RNF11: variants seen among roughly 807,000 people sequenced by gnomAD.
RNF11 encodes ring finger protein 11.
Under a neutral mutation model 15.8 loss-of-function variants are expected in RNF11, and 4 were observed. The observed-to-expected ratio is 0.25, with a 90% CI of 0.12 to 0.58. RNF11 has a LOEUF of 0.58. Among genes scored for constraint, RNF11 ranks in the 20% least tolerant of loss-of-function variants. RNF11 has a pLI of 0.91. For missense variants in RNF11, 139 were observed against 194.4 expected, an observed-to-expected ratio of 0.71 and a Z score of 1.70; for synonymous variants, 68 against 72.3, an observed-to-expected ratio of 0.94 and a Z score of 0.30.
chr1:51,260,193 G>GT (rs1279978588), intron 1 of RNF11, among the ~76,000 whole-genome samples: 3 of 152,130 alleles, frequency 2.0e-5, no homozygotes, highest in Non-Finnish European at 4.4e-5. Context: ...CGTAAATGGT[G>GT]TTCAAACTTT....
chr1:51,252,248 T>A (rs1167540409), intron 1 of RNF11, among the ~76,000 whole-genome samples: 2 of 152,216 alleles, frequency 1.3e-5, no homozygotes, highest in Non-Finnish European at 2.9e-5. Context: ...ATCAAGTTTG[T>A]GTTATCCATA....
chr1:51,268,382 T>C (rs1050111548), intron 1 of RNF11, among the ~76,000 whole-genome samples: 1 of 152,216 alleles, frequency 6.6e-6, no homozygotes, highest in Non-Finnish European at 1.5e-5. Context: ...GGTTCCTTTG[T>C]TTTAACAAAA....
intron 1 of RNF11, among the ~76,000 whole-genome samples, chr1:51,253,057 C>A (rs866564204): frequency 2.0e-5 from 3 of 151,900 alleles, no homozygotes; most frequent in South Asian, 2.1e-4. Flanking sequence ...AAACTCCTGA[C>A]CTCGTGATCC....
chr1:51,269,987 C>T lies in RNF11; in HGVS notation c.155C>T (p.Thr52Ile). Residue 52 changes from threonine to isoleucine, a missense_variant, in exon 2 of 3, where the codon ACA (threonine) becomes ATA (isoleucine). By Grantham distance (89) the Thr-to-Ile change is moderately conservative (BLOSUM62 -1). Coordinates refer to ENST00000242719, the MANE Select transcript of RNF11 (RefSeq NM_014372.5). ...EQVPVPVYHPTPSQTRLATQL... is the reference protein window; with the variant it reads ...EQVPVPVYHPIPSQTRLATQL... ...GTTCCAGTTCCAGTCTACCACCCAA[C>T]ACCTAGCCAGACTCGGCTAGCAACT... is the stretch of plus-strand genomic sequence containing the variant. The T allele has an allele frequency of 6.2e-7, 1 of 1,613,426 alleles. No individual in the cohort carries two copies. Among genetic ancestry groups the T allele is most frequent in the Non-Finnish European group, 8.5e-7 (1 of 1,179,752 alleles).
At chr1:51,268,729 A>G (rs1442263335) in intron 1 of RNF11, among the ~76,000 whole-genome samples, 1 of 152,216 alleles carries the variant, frequency 6.6e-6, no homozygotes, top group Non-Finnish European at 1.5e-5. Context: ...GACTGAGGCT[A>G]AGATTCAGGA....
intron 1 of RNF11, among the ~76,000 whole-genome samples, chr1:51,250,353 TAA>T (rs1378432271): frequency 6.6e-6 from 1 of 152,228 alleles, no homozygotes; most frequent in Non-Finnish European, 1.5e-5. Context: ...TACATTATGC[TAA>T]GCTGTAGTCA....
chr1:51,236,701 G>C lies in RNF11; in HGVS notation c.-56G>C. The C allele has an allele frequency of 6.2e-7, 1 of 1,602,260 alleles. No individual in the cohort carries two copies. The highest frequency in any genetic ancestry group is 2.3e-5 in the East Asian group (1 of 44,102). On this transcript the variant is annotated 5_prime_UTR_variant, in exon 1 of 3. Transcript: ENST00000242719. ...AACCGAGGCGGACCGCGGAGTGTGC[G>C]AACGACCCCACCGCTGCTTTCTCCT...
chr1:51,264,745 A>G (rs1247392740), intron 1 of RNF11, among the ~76,000 whole-genome samples: 2 of 152,130 alleles, frequency 1.3e-5, no homozygotes, highest in South Asian at 2.1e-4. Flanking sequence ...GCCTCAGCAC[A>G]TTATTTAGGC....
At position 51,249,065 on chromosome 1, in the gene RNF11, G is replaced by A. The variant is rs1646865612; in HGVS notation, c.123+12186G>A. Among the ~76,000 whole-genome samples, 3 of 152,280 alleles carry A rather than the reference G, an allele frequency of 2.0e-5. No individual in the cohort carries two copies. In the South Asian group the frequency reaches 6.2e-4, roughly 32 times the overall value. On this transcript the variant is annotated intron_variant, in intron 1 of 2. Coordinates refer to ENST00000242719, the MANE Select transcript of RNF11 (RefSeq NM_014372.5). Reference sequence around the variant, plus strand: ...ATATGCCATTTTATATAAGGGACTTGGGCATCTGAGGATTTTGGTGTTCAA... The same window carrying A: ...ATATGCCATTTTATATAAGGGACTTAGGCATCTGAGGATTTTGGTGTTCAA...
chr1:51,248,552 G>A (rs1460511973), intron 1 of RNF11, among the ~76,000 whole-genome samples: 1 of 152,176 alleles, frequency 6.6e-6, no homozygotes, highest in Non-Finnish European at 1.5e-5. Context: ...AACGGGGAAA[G>A]GAGAAATGAT....
At chr1:51,247,900 A>G (rs1646859396) in intron 1 of RNF11, among the ~76,000 whole-genome samples, 1 of 152,164 alleles carries the variant, frequency 6.6e-6, no homozygotes, top group Non-Finnish European at 1.5e-5. Context: ...AAACTCTTAA[A>G]ATTTTCTGAA....
chr1:51,258,909 G>A (rs1304196243), intron 1 of RNF11, among the ~76,000 whole-genome samples: 1 of 152,136 alleles, frequency 6.6e-6, no homozygotes, highest in Non-Finnish European at 1.5e-5. Context: ...TATGTCCACT[G>A]GGCCTTTGTA....
intron 1 of RNF11, among the ~76,000 whole-genome samples, chr1:51,253,624 C>G (rs189470837): frequency 7.5e-4 from 114 of 152,020 alleles, no homozygotes; most frequent in Non-Finnish European, 7.6e-4. Context: ...AAAATGATCT[C>G]CATGTTCTCT....
At chr1:51,262,361 C>T (rs898875076) in intron 1 of RNF11, among the ~76,000 whole-genome samples, 1 of 152,204 alleles carries the variant, frequency 6.6e-6, no homozygotes, top group Admixed American at 6.5e-5. Context: ...AGAGCTAAAA[C>T]TTTATAAACC....
chr1:51,241,855 A>G (rs929583552), intron 1 of RNF11, among the ~76,000 whole-genome samples: 1 of 152,192 alleles, frequency 6.6e-6, no homozygotes, highest in African/African-American at 2.4e-5. Context: ...CCAGCCCTGA[A>G]AGGCATATGT....
Position 51,236,549 on chromosome 1 carries a change from C to A in RNF11, c.-208C>A, listed in dbSNP as rs542282843. ...CAGGAGGCGAACGCCGCGACCCCAG[C>A]GGAGCCCGCGGCCCAGCCTTGATCC... On this transcript the variant is annotated 5_prime_UTR_variant, in exon 1 of 3. Transcript: ENST00000242719. 1 of 278,528 alleles carries A rather than the reference C, an allele frequency of 3.6e-6. No homozygotes were observed. The highest frequency in any genetic ancestry group is 2.4e-5 in the African/African-American group (1 of 41,700). 17.3% of individuals were successfully genotyped at this position (278,528 alleles called of 1,614,324 possible). A position where few individuals can be genotyped will look rare whatever the true frequency, so the allele number is the denominator to read the frequency against.
chr1:51,242,568 T>G (rs1646835026), intron 1 of RNF11, among the ~76,000 whole-genome samples: 1 of 152,204 alleles, frequency 6.6e-6, no homozygotes, highest in South Asian at 2.1e-4. Flanking sequence ...ACCCCCTTCC[T>G]TATAAAAAAT....
intron 1 of RNF11, among the ~76,000 whole-genome samples, chr1:51,262,673 A>G (rs1646935920): frequency 6.7e-6 from 1 of 150,238 alleles, no homozygotes; most frequent in African/African-American, 2.5e-5. Flanking sequence ...CAGCCTCCCA[A>G]GTAGTTGGGA....
chr1:51,260,953 A>G (rs1646928079), intron 1 of RNF11, among the ~76,000 whole-genome samples: 1 of 152,200 alleles, frequency 6.6e-6, no homozygotes, highest in Non-Finnish European at 1.5e-5. Flanking sequence ...AAATTTGCTT[A>G]ATAAAGTCAG....
Sources: allele counts gnomAD v4.1 joint callset (sites outside exome capture counted in the v4.1 genomes callset), GRCh38; gene constraint gnomAD v4.1.1; transcripts MANE v1.5; gene names NCBI Gene and HGNC (gene_info 2026-07-23, HGNC 2026-07-21).